The following RBFOX1 variants were observed in gnomAD, a reference collection of about 807,000 sequenced individuals.
The protein encoded by RBFOX1 is RNA binding protein fox-1 homolog 1.
A neutral mutation model predicts 57.7 loss-of-function variants in RBFOX1; 8 were observed. That is an observed-to-expected ratio of 0.14 (90% CI 0.08 to 0.25). The LOEUF (loss-of-function observed/expected upper bound fraction) is 0.25. Among genes scored for constraint, RBFOX1 ranks in the 10% least tolerant of loss-of-function variants. The pLI, the probability that RBFOX1 is intolerant of heterozygous loss-of-function variation, is 1.00. For missense variants in RBFOX1, 611 were observed against 548.5 expected (o/e 1.11, Z -1.14); for synonymous variants, 326 against 222.4 (o/e 1.47, Z -4.15).
chr16:6,005,757 G>A (rs2060682442), intron 4 of RBFOX1, among the ~76,000 whole-genome samples: 1 of 152,206 alleles, frequency 6.6e-6, no homozygotes, highest in Non-Finnish European at 1.5e-5. Context: ...CAATTTGTTA[G>A]GAAAAGAGCA....
intron 3 of RBFOX1, among the ~76,000 whole-genome samples, chr16:6,722,600 C>A (rs77459118): frequency 6.6e-6 from 1 of 152,146 alleles, no homozygotes; most frequent in African/African-American, 2.4e-5. Context: ...TTAGAATAAT[C>A]AAGGGGTCCT....
intron 3 of RBFOX1, among the ~76,000 whole-genome samples, chr16:5,620,626 A>G (rs868200336): frequency 1.3e-5 from 2 of 152,012 alleles, no homozygotes; most frequent in African/African-American, 4.8e-5. Flanking sequence ...ACCTCTTCCC[A>G]TAAGAACAAC....
At chr16:5,341,304 A>G (rs2065025876) in intron 1 of RBFOX1, among the ~76,000 whole-genome samples, 1 of 152,190 alleles carries the variant, frequency 6.6e-6, no homozygotes, top group Admixed American at 6.5e-5. Flanking sequence ...GGTCTGATTT[A>G]TATTGAGTAA....
At chr16:6,894,925 C>T (rs768031834) in intron 3 of RBFOX1, among the ~76,000 whole-genome samples, 7 of 152,174 alleles carry the variant, frequency 4.6e-5, no homozygotes, top group East Asian at 1.9e-4. Context: ...AAATGTCTCA[C>T]TGTCTCCAAA....
chr16:5,261,473 A>C (rs1350717473), intron 1 of RBFOX1, among the ~76,000 whole-genome samples: 5 of 151,776 alleles, frequency 3.3e-5, no homozygotes, highest in Non-Finnish European at 7.4e-5. Context: ...TTAGTTGGCT[A>C]TAAAATTCTT....
chr16:6,549,863 G>T (rs1279632648), intron 2 of RBFOX1, among the ~76,000 whole-genome samples: 1 of 152,156 alleles, frequency 6.6e-6, no homozygotes, highest in Non-Finnish European at 1.5e-5. Flanking sequence ...GCACACAGTA[G>T]TAGAGAGACC....
At chr16:5,449,500 G>A (rs1228855518) in intron 1 of RBFOX1, among the ~76,000 whole-genome samples, 1 of 152,206 alleles carries the variant, frequency 6.6e-6, no homozygotes, top group Non-Finnish European at 1.5e-5. Context: ...GGTTAACTAA[G>A]TTGCCCAAGA....
chr16:6,223,438 T>C lies in RBFOX1; in HGVS notation c.-126-93557T>C, dbSNP rs1379048438. ...TCTCATTGTGGTTTTGATTTGCATT[T>C]CTCTGATGGCCAGTGATGATGATCA... On this transcript the variant is annotated intron_variant, in intron 1 of 15. Transcript: ENST00000550418. Among the ~76,000 whole-genome samples, 45 of 152,026 alleles carry C rather than the reference T, an allele frequency of 3.0e-4. 1 individual carries two copies. In the South Asian group the frequency reaches 8.8e-3, roughly 30 times the overall value.
intron 2 of RBFOX1, among the ~76,000 whole-genome samples, chr16:6,389,660 A>G (rs2092492726): frequency 6.6e-6 from 1 of 152,176 alleles, no homozygotes; most frequent in African/African-American, 2.4e-5. Context: ...TGACAAGAGT[A>G]AACATGAGGT....
intron 2 of RBFOX1, among the ~76,000 whole-genome samples, chr16:5,589,804 C>G (rs2046947621): frequency 6.6e-6 from 1 of 152,178 alleles, no homozygotes; most frequent in Non-Finnish European, 1.5e-5. Flanking sequence ...AGACTCCTGG[C>G]TTGACCCCAA....
chr16:6,276,161 A>G (rs967849018), intron 1 of RBFOX1, among the ~76,000 whole-genome samples: 2 of 152,224 alleles, frequency 1.3e-5, no homozygotes, highest in African/African-American at 4.8e-5. Context: ...GAAGAAAAAC[A>G]TAGATAAACG....
intron 4 of RBFOX1, among the ~76,000 whole-genome samples, chr16:7,080,860 G>T (rs998252793): frequency 5.3e-5 from 8 of 152,122 alleles, no homozygotes; most frequent in African/African-American, 1.9e-4. Flanking sequence ...CCATCCTCAG[G>T]ACCAAGGGAG....
intron 3 of RBFOX1, among the ~76,000 whole-genome samples, chr16:6,739,649 G>C (rs1344440146): frequency 1.3e-5 from 2 of 152,110 alleles, no homozygotes; most frequent in Non-Finnish European, 2.9e-5. Flanking sequence ...GGCCGAGGTG[G>C]GTGGATCACA....
At chr16:7,562,875 A>G (rs989238869) in intron 5 of RBFOX1, among the ~76,000 whole-genome samples, 1 of 152,200 alleles carries the variant, frequency 6.6e-6, no homozygotes, top group Non-Finnish European at 1.5e-5. Context: ...CAAGAGGAAG[A>G]GAGTTTTAAT....
intron 11 of RBFOX1, among the ~76,000 whole-genome samples, chr16:7,637,232 G>C (rs936468165): frequency 6.7e-6 from 1 of 148,812 alleles, no homozygotes; most frequent in African/African-American, 2.5e-5. Context: ...ATTAATTATC[G>C]TTTCCCCTGA....
chr16:7,366,839 C>T (rs1338312674), intron 4 of RBFOX1, among the ~76,000 whole-genome samples: 4 of 152,088 alleles, frequency 2.6e-5, no homozygotes, highest in Non-Finnish European at 1.5e-5. Flanking sequence ...GGCAGAGACA[C>T]ATGAAAGAAT....
intron 3 of RBFOX1, among the ~76,000 whole-genome samples, chr16:6,753,336 C>T (rs367903977): frequency 2.0e-5 from 3 of 152,112 alleles, no homozygotes; most frequent in Non-Finnish European, 2.9e-5. Context: ...TTGCATACTG[C>T]AGTATTGGAA....
At chr16:6,400,389 G>A (rs2093020201) in intron 2 of RBFOX1, among the ~76,000 whole-genome samples, 1 of 152,162 alleles carries the variant, frequency 6.6e-6, no homozygotes, top group Non-Finnish European at 1.5e-5. Flanking sequence ...AAATTAGAAA[G>A]TATTTTGGAC....
At chr16:5,424,546 C>A (rs1353981147) in intron 1 of RBFOX1, among the ~76,000 whole-genome samples, 1 of 145,680 alleles carries the variant, frequency 6.9e-6, no homozygotes, top group Non-Finnish European at 1.5e-5. Flanking sequence ...TTTTTTTTAG[C>A]GTTTATTTTA....
Sources: gnomAD v4.1 joint callset for allele counts (sites outside exome capture counted in the v4.1 genomes callset) on GRCh38, gnomAD v4.1.1 for gene constraint, MANE v1.5 for transcripts, NCBI Gene and HGNC (gene_info 2026-07-23, HGNC 2026-07-21) for gene names.